Variants in DMD observed in about 807,000 individuals in gnomAD.
DMD encodes the protein mutant dystrophin.
DMD carries 63 observed loss-of-function variants against 330.1 expected under a neutral mutation model. The ratio of observed to expected loss-of-function variants is 0.19; its 90% CI spans 0.16 to 0.24. The LOEUF is 0.24. Among genes scored for constraint, DMD ranks in the 10% least tolerant of loss-of-function variants. The pLI, the probability that DMD is intolerant of heterozygous loss-of-function variation, is 1.00. For synonymous variants in DMD, 1,223 were observed against 959.8 expected, an observed-to-expected ratio of 1.27 and a Z score of -5.07; for missense variants, 3,344 against 2,684.1, an observed-to-expected ratio of 1.25 and a Z score of -5.43.
chrX:31,261,127 C>A, intron 62 of DMD, 111 bp from the exon 63 acceptor site: 1 of 689,418 alleles, frequency 1.5e-6, no homozygotes, highest in Non-Finnish European at 2.2e-6. Flanking sequence ...TTGAACCATT[C>A]GGAATCTTTA....
rs769826765 is a variant in DMD, at chrX:32,790,377, T to C, written c.649+19116A>G. Among the ~76,000 whole-genome samples, 3 of 111,457 alleles carry C rather than the reference T, an allele frequency of 2.7e-5. No individual in the cohort carries two copies. The East Asian group carries it at 8.5e-4, about 32-fold the overall frequency. ...ACAAGATTCCTACAATCCTAGCCAA[T>C]TGAGAGCCCTTCAACCCGTGTGGGC... is the stretch of plus-strand genomic sequence containing the variant. On this transcript the variant is annotated intron_variant, in intron 7 of 78. Coordinates refer to ENST00000357033, the MANE Select transcript of DMD (RefSeq NM_004006.3).
intron 44 of DMD, among the ~76,000 whole-genome samples, chrX:32,173,066 GGTGTGTGTGTGTGTGTGTGT>G (rs3040089): frequency 1.1e-5 from 1 of 89,624 alleles, no homozygotes; most frequent in African/African-American, 4.3e-5. Context: ...ACCTGATTTT[GGTGTGTGTGTGTGTGTGTGT>G]GTGTGTGTGT....
At chrX:31,291,198 G>A (rs1283254009) in intron 62 of DMD, among the ~76,000 whole-genome samples, 1 of 110,616 alleles carries the variant, frequency 9.0e-6, no homozygotes, top group East Asian at 2.8e-4. Context: ...AGCAGACTTT[G>A]GGCTAAATTT....
At chrX:32,521,460 A>G (rs2046414255) in intron 17 of DMD, among the ~76,000 whole-genome samples, 1 of 104,497 alleles carries the variant, frequency 9.6e-6, no homozygotes, top group Admixed American at 9.9e-5. Context: ...ATTATGTACT[A>G]GATGTCAAGA....
At chrX:31,741,638 C>T (rs929146488) in intron 51 of DMD, among the ~76,000 whole-genome samples, 9 of 110,028 alleles carry the variant, frequency 8.2e-5, no homozygotes, top group African/African-American at 3.0e-4. Flanking sequence ...GATGTGCAGT[C>T]ATCTAGTCTT....
intron 50 of DMD, among the ~76,000 whole-genome samples, chrX:31,789,976 ATTC>A (rs2091493806): frequency 9.0e-6 from 1 of 111,728 alleles, no homozygotes; most frequent in Non-Finnish European, 1.9e-5. Flanking sequence ...AATTGGTAAA[ATTC>A]TTCATTTTTG....
intron 19 of DMD, among the ~76,000 whole-genome samples, chrX:32,492,256 T>TCTTTTCTA (rs2043078655): frequency 8.9e-6 from 1 of 111,932 alleles, no homozygotes; most frequent in Non-Finnish European, 1.9e-5. Context: ...GAGAATGGCG[T>TCTTTTCTA]GAACCCGGGA....
intron 1 of DMD, among the ~76,000 whole-genome samples, chrX:33,090,332 T>C (rs906563588): frequency 9.2e-6 from 1 of 109,112 alleles, no homozygotes; most frequent in Non-Finnish European, 1.9e-5. Context: ...AGTTTCATAT[T>C]AAATGATAGT....
intron 61 of DMD, among the ~76,000 whole-genome samples, chrX:31,346,374 G>A (rs140790428): frequency 0.011 from 1,215 of 111,128 alleles, 16 homozygotes; most frequent in African/African-American, 0.037. Flanking sequence ...AAGTAATTGC[G>A]TTAAAATGAT....
intron 1 of DMD, among the ~76,000 whole-genome samples, chrX:33,330,968 T>C (rs983426136): frequency 3.6e-5 from 4 of 111,844 alleles, no homozygotes; most frequent in African/African-American, 1.3e-4. Flanking sequence ...GCTTAGCTAT[T>C]CACTGTAAAT....
At chrX:32,312,483 T>C (rs1396793898) in intron 41 of DMD, among the ~76,000 whole-genome samples, 1 of 111,013 alleles carries the variant, frequency 9.0e-6, no homozygotes, top group Non-Finnish European at 1.9e-5. Flanking sequence ...TGGTCAAATA[T>C]AATGAAGAAA....
intron 61 of DMD, among the ~76,000 whole-genome samples, chrX:31,338,354 T>C (rs968937896): frequency 9.7e-6 from 1 of 103,535 alleles, no homozygotes; most frequent in Admixed American, 1.0e-4. Context: ...TAGTCCCAGC[T>C]ACTCGGGAGG....
chrX:32,729,944 C>G (rs1248502370), intron 7 of DMD, among the ~76,000 whole-genome samples: 1 of 111,594 alleles, frequency 9.0e-6, no homozygotes, highest in East Asian at 2.8e-4. Context: ...TGACCATGGT[C>G]CAGGAGGTAT....
rs1362616151 is a variant in DMD, at chrX:33,091,624, T to A, written c.32-71424A>T. 2.7e-5 allele frequency among the ~76,000 whole-genome samples: 3 copies of A among 112,176 alleles called. No individual in the cohort carries two copies. In the East Asian group the frequency reaches 8.4e-4, roughly 31 times the overall value. Reference sequence around the variant, plus strand: ...CTTGTAAAAGTTTAGTTCACTGTTTTCTCCCTTCAAGCCCCCAGTGAAGTA... The same window carrying A: ...CTTGTAAAAGTTTAGTTCACTGTTTACTCCCTTCAAGCCCCCAGTGAAGTA... On this transcript the variant is annotated intron_variant, in intron 1 of 78. Transcript: ENST00000357033.
chrX:32,637,370 G>C (rs112798554), intron 11 of DMD, among the ~76,000 whole-genome samples: 1 of 111,873 alleles, frequency 8.9e-6, no homozygotes, highest in African/African-American at 3.2e-5. Context: ...TGATATTTCT[G>C]ATTGGGAATT....
At chrX:32,031,974 A>C (rs1437651351) in intron 44 of DMD, among the ~76,000 whole-genome samples, 2 of 111,976 alleles carry the variant, frequency 1.8e-5, no homozygotes, top group Non-Finnish European at 3.8e-5. Context: ...AGAACAGATA[A>C]ACATTTCGTT....
chrX:31,831,778 A>G (rs1240651759), intron 49 of DMD, among the ~76,000 whole-genome samples: 1 of 110,806 alleles, frequency 9.0e-6, no homozygotes, highest in African/African-American at 3.3e-5. Flanking sequence ...TTGTTTTTGT[A>G]TTTTTAGTAG....
At chrX:32,432,531 T>C (rs975124872) in intron 29 of DMD, among the ~76,000 whole-genome samples, 1 of 112,170 alleles carries the variant, frequency 8.9e-6, no homozygotes, top group African/African-American at 3.2e-5. Context: ...TTAGCTGTCC[T>C]AGCCCTTGAG....
At chrX:31,785,527 C>A (rs925173271) in intron 50 of DMD, among the ~76,000 whole-genome samples, 2 of 111,379 alleles carry the variant, frequency 1.8e-5, no homozygotes, top group African/African-American at 6.5e-5. Context: ...CGTAGGTATA[C>A]ACGTGCCATG....
Sources: allele counts gnomAD v4.1 joint callset (sites outside exome capture counted in the v4.1 genomes callset), GRCh38; gene constraint gnomAD v4.1.1; transcripts MANE v1.5; gene names NCBI Gene and HGNC (gene_info 2026-07-23, HGNC 2026-07-21).